DOP1A: variants seen among roughly 807,000 people sequenced by gnomAD.
DOP1A encodes protein DOP1A.
A neutral mutation model predicts 267.6 loss-of-function variants in DOP1A; 90 were observed. The ratio of observed to expected loss-of-function variants is 0.34; its 90% CI spans 0.28 to 0.40. DOP1A has a LOEUF of 0.40. DOP1A is among the 10% of genes least tolerant of loss of function. DOP1A has a pLI of 1.00. For synonymous variants in DOP1A, 932 were observed against 999.1 expected (o/e 0.93, Z 1.27); for missense variants, 2,437 against 2,900.4 (o/e 0.84, Z 3.67).
chr6:83,159,093 A>C (rs1481071504), intron 36 of DOP1A, among the ~76,000 whole-genome samples: 1 of 152,202 alleles, frequency 6.6e-6, no homozygotes. Context: ...TAAATTGAAA[A>C]GTTCCTTTAA....
At chr6:83,098,299 A>T (rs951507486) in intron 3 of DOP1A, among the ~76,000 whole-genome samples, 1 of 152,230 alleles carries the variant, frequency 6.6e-6, no homozygotes, top group Non-Finnish European at 1.5e-5. Context: ...ACGACAATCA[A>T]TGCAGAAGAT....
At chr6:83,153,854 G>A (rs1486403607) in intron 31 of DOP1A, 40 bp from the exon 32 acceptor site, 1 of 1,572,318 alleles carries the variant, frequency 6.4e-7, no homozygotes, top group African/African-American at 1.4e-5. Context: ...GATGATTAAA[G>A]TTAGGACACG....
At chr6:83,103,686 C>G (rs1255880896) in intron 4 of DOP1A, among the ~76,000 whole-genome samples, 1 of 152,136 alleles carries the variant, frequency 6.6e-6, no homozygotes, top group Non-Finnish European at 1.5e-5. Context: ...TTTCTTCTGA[C>G]CTAGTTTCCA....
At chr6:83,141,231 C>A (rs1020347461) in intron 23 of DOP1A, among the ~76,000 whole-genome samples, 1 of 152,004 alleles carries the variant, frequency 6.6e-6, no homozygotes, top group African/African-American at 2.4e-5. Flanking sequence ...GAACAAATAC[C>A]ATATTTTCAA....
chr6:83,118,706 A>G (rs1014614478), intron 7 of DOP1A, among the ~76,000 whole-genome samples, 182 bp from the exon 8 acceptor site: 2 of 152,152 alleles, frequency 1.3e-5, no homozygotes, highest in Non-Finnish European at 2.9e-5. Context: ...TAGCCATGTT[A>G]CCTAACTTTC....
At chr6:83,132,378 CACACACAA>C (rs762206827) in intron 18 of DOP1A, 50 bp downstream of exon 18, 17 of 1,506,528 alleles carry the variant, frequency 1.1e-5, no homozygotes, top group Non-Finnish European at 1.3e-5. Context: ...CACACACACA[CACACACAA>C]ATACTGAAAA....
chr6:83,154,008 C>T lies in DOP1A; in HGVS notation c.6354C>T (p.Pro2118=), dbSNP rs747992078. 8.7e-6 allele frequency: 14 copies of T among 1,614,074 alleles called. No individual in the cohort carries two copies. Among genetic ancestry groups the T allele is most frequent in the Non-Finnish European group, 9.3e-6 (11 of 1,179,980 alleles). ...AAGCTTTTGACCTCTTTATGGATCC[C>T]AGTTTCTTTCAGATGGATGCCTCTT... ...KKEAFDLFMD[P]SFFQMDASCV... Residue 2118 remains proline, a synonymous_variant, in exon 32 of 39, where the codon CCC becomes CCT. Coordinates refer to ENST00000349129, the MANE Select transcript of DOP1A (RefSeq NM_015018.4).
rs149361394 is a variant in DOP1A at position 83,167,963 on chromosome 6, G to A, written c.7194G>A (p.Pro2398=). 21 of 1,614,146 alleles carry A rather than the reference G, an allele frequency of 1.3e-5. No homozygotes were observed. Among genetic ancestry groups the A allele is most frequent in the Admixed American group, 8.3e-5 (5 of 60,012 alleles). Reference sequence around the variant, plus strand: ...TGCGCAGTATGGAGCAGCTCCTGCCGTTCTTCAATGTGCTCAGTCAAGTCT... The same window carrying A: ...TGCGCAGTATGGAGCAGCTCCTGCCATTCTTCAATGTGCTCAGTCAAGTCT... ...CTVRSMEQLL[P]FFNVLSQVFN... Residue 2398 remains proline (P), a synonymous_variant, in exon 39 of 39, where the codon CCG becomes CCA. Coordinates refer to ENST00000349129, the MANE Select transcript of DOP1A (RefSeq NM_015018.4).
intron 1 of DOP1A, among the ~76,000 whole-genome samples, chr6:83,076,800 G>A (rs1002446641): frequency 5.9e-5 from 9 of 152,130 alleles, no homozygotes; most frequent in African/African-American, 1.4e-4. Context: ...GCAGGATCTG[G>A]AAGAGGAATT....
chr6:83,154,851 T>C (rs2128356721), intron 33 of DOP1A, among the ~76,000 whole-genome samples: 1 of 152,346 alleles, frequency 6.6e-6, no homozygotes, highest in Admixed American at 6.5e-5. Flanking sequence ...TAACATTGTA[T>C]GATTCTGTAA....
intron 27 of DOP1A, among the ~76,000 whole-genome samples, chr6:83,150,016 G>A (rs1225194969): frequency 6.6e-6 from 1 of 152,208 alleles, no homozygotes; most frequent in Non-Finnish European, 1.5e-5. Flanking sequence ...CAGCACAGAT[G>A]TGTTAACAGC....
Position 83,124,831 on chromosome 6 carries a change from T to A in DOP1A, c.1455+12T>A. The A allele has an allele frequency of 6.3e-7, 1 of 1,589,804 alleles. No homozygotes were observed. The highest frequency in any genetic ancestry group is 1.1e-5 in the South Asian group (1 of 89,650). On this transcript the variant is annotated intron_variant, in intron 13 of 38. Coordinates refer to ENST00000349129, the MANE Select transcript of DOP1A (RefSeq NM_015018.4). Reference sequence around the variant, plus strand: ...ACATAGTTTCTTTGGTAAGACCACCTTGGTAAGAAAATATCAAGGAAATCG... The same window carrying A: ...ACATAGTTTCTTTGGTAAGACCACCATGGTAAGAAAATATCAAGGAAATCG...
In DOP1A at chr6:83,130,364, G is replaced by A. The variant is rs1777822545; in HGVS notation, c.2583G>A (p.Leu861=). 6.2e-7 allele frequency: 1 copy of A among 1,613,864 alleles called. No individual in the cohort carries two copies. The highest frequency in any genetic ancestry group is 1.3e-5 in the African/African-American group (1 of 74,924). The part of the protein sequence containing the change: ...VIRPPLTQGN[L]RYIAEKTEFF... ...GACCTCCCCTCACTCAGGGCAATCT[G>A]AGGTACATAGCTGAGAAGACTGAAT... The change falls in exon 17 of 39, where the codon CTG becomes CTA. Residue 861 remains leucine (L), a synonymous_variant. Transcript: ENST00000349129.
At chr6:83,170,361 C>T, downstream of DOP1A, 1 of 1,614,172 alleles carries the variant, frequency 6.2e-7, no homozygotes, top group Non-Finnish European at 8.5e-7. Context: ...GAGGGCCGGA[C>T]AAAAGCTCGA....
chr6:83,145,876 A>G (rs16881550), intron 25 of DOP1A, among the ~76,000 whole-genome samples: 3,058 of 152,344 alleles, frequency 0.02, 114 homozygotes, highest in African/African-American at 0.069. Flanking sequence ...TTAACTGCTC[A>G]TATCTTCATA....
intron 19 of DOP1A, 174 bp downstream of exon 19, chr6:83,134,461 A>G: frequency 2.0e-6 from 1 of 506,072 alleles, no homozygotes; most frequent in Non-Finnish European, 3.3e-6. Flanking sequence ...ATTTTTACTC[A>G]TCCACCAGGT....
intron 1 of DOP1A, among the ~76,000 whole-genome samples, chr6:83,091,734 G>T (rs1301109838): frequency 6.6e-6 from 1 of 152,042 alleles, no homozygotes; most frequent in Non-Finnish European, 1.5e-5. Context: ...TCTTCCTCAT[G>T]CACTGAATAT....
intron 1 of DOP1A, among the ~76,000 whole-genome samples, chr6:83,069,205 C>T (rs896479655): frequency 2.0e-5 from 3 of 152,106 alleles, no homozygotes; most frequent in Non-Finnish European, 4.4e-5. Flanking sequence ...TTGAAAAGAC[C>T]AGGGTTTTCC....
chr6:83,076,236 T>C (rs1324490561), intron 1 of DOP1A, among the ~76,000 whole-genome samples: 1 of 152,154 alleles, frequency 6.6e-6, no homozygotes, highest in Admixed American at 6.5e-5. Context: ...TATGAAAAGA[T>C]ATTGAGGCCG....
Sources: allele counts gnomAD v4.1 joint callset (sites outside exome capture counted in the v4.1 genomes callset), GRCh38; gene constraint gnomAD v4.1.1; transcripts MANE v1.5; gene names NCBI Gene and HGNC (gene_info 2026-07-23, HGNC 2026-07-21).